Variants in TMEM260 observed in about 807,000 individuals in gnomAD.
The protein encoded by TMEM260 is transmembrane protein 260.
In TMEM260, 82 loss-of-function variants were observed where a neutral mutation model predicts 88.9. That is an observed-to-expected ratio of 0.92 (90% CI 0.77 to 1.11). The LOEUF (loss-of-function observed/expected upper bound fraction) is 1.11, where lower values mean the gene tolerates loss of function less well. Among genes scored for constraint, TMEM260 ranks in the 50% least tolerant of loss-of-function variants. The pLI, the probability that TMEM260 is intolerant of heterozygous loss-of-function variation, is 0.00. For synonymous variants in TMEM260, 314 were observed against 309.3 expected, an observed-to-expected ratio of 1.02 and a Z score of -0.16; for missense variants, 902 against 853.4, an observed-to-expected ratio of 1.06 and a Z score of -0.71.
chr14:56,656,890 T>C, the TMEM260 span, among the ~76,000 whole-genome samples: 1 of 152,164 alleles, frequency 6.6e-6, no homozygotes, highest in African/African-American at 2.4e-5. Context: ...TGCACACGCA[T>C]GCACACACAC....
In TMEM260 at chr14:56,615,987, C is replaced by G. The variant is rs1887570793; in HGVS notation, c.901C>G (p.Gln301Glu). ...GAGGACCGAACTCTCATTCAACATCCAAGCCCTTGCAGTTTGTGCAAATAT... is the reference window on the plus strand; with the variant it reads ...GAGGACCGAACTCTCATTCAACATCGAAGCCCTTGCAGTTTGTGCAAATAT... Reference protein sequence around the residue: ...NMRTELSFNIQALAVCANICL... With the variant: ...NMRTELSFNIEALAVCANICL... Residue 301 changes from glutamine (Q) to glutamate (E), a missense_variant, in exon 8 of 16, where the codon CAA (glutamine) becomes GAA (glutamate). Coordinates refer to ENST00000261556, the MANE Select transcript of TMEM260 (RefSeq NM_017799.4). 9 of 1,613,206 alleles carry G rather than the reference C, an allele frequency of 5.6e-6. No individual in the cohort carries two copies. Among genetic ancestry groups the G allele is most frequent in the Non-Finnish European group, 7.6e-6 (9 of 1,179,362 alleles).
chr14:56,604,358 T>A (rs1256666027), intron 4 of TMEM260, among the ~76,000 whole-genome samples: 1 of 152,166 alleles, frequency 6.6e-6, no homozygotes. Flanking sequence ...ATGCATTGAC[T>A]CACTCCTTAA....
chr14:56,616,865 C>T (rs1238482662), intron 8 of TMEM260, among the ~76,000 whole-genome samples: 2 of 152,046 alleles, frequency 1.3e-5, no homozygotes, highest in Admixed American at 1.3e-4. Flanking sequence ...GTTCTTAAAT[C>T]TTTATTATTT....
intron 13 of TMEM260, among the ~76,000 whole-genome samples, 196 bp from the exon 14 acceptor site, chr14:56,634,703 G>A (rs1411172428): frequency 1.3e-5 from 2 of 152,084 alleles, no homozygotes; most frequent in Non-Finnish European, 2.9e-5. Flanking sequence ...TGAGCTGGGT[G>A]TGGTTGTGGG....
At chr14:56,653,736 C>CAAAACAAAAAACAAA (rs1566588621), downstream of TMEM260, among the ~76,000 whole-genome samples, 1 of 66,564 alleles carries the variant, frequency 1.5e-5, no homozygotes, top group East Asian at 6.1e-4. Flanking sequence ...CTCTTGTCTC[C>CAAAACAAAAAACAAA]AAAACAAAAA....
intron 5 of TMEM260, 128 bp downstream of exon 5, chr14:56,605,811 G>A (rs1342221148): frequency 1.8e-6 from 1 of 543,152 alleles, no homozygotes; most frequent in Non-Finnish European, 3.2e-6. Context: ...TAACCCTAGG[G>A]CCTAACAATA....
intron 15 of TMEM260, chr14:56,638,320 T>TAAAAAAGAA (rs1889281150): frequency 2.0e-5 from 3 of 150,520 alleles, no homozygotes; most frequent in South Asian, 2.1e-4. Flanking sequence ...ATTTTTTTTC[T>TAAAAAAGAA]AAAAAAGAAA....
chr14:56,644,999 T>C (rs1318528617), intron 15 of TMEM260, among the ~76,000 whole-genome samples: 41 of 151,564 alleles, frequency 2.7e-4, no homozygotes, highest in Non-Finnish European at 1.6e-4. Flanking sequence ...AAACAACAGG[T>C]GCTGGAGAGG....
intron 5 of TMEM260, among the ~76,000 whole-genome samples, chr14:56,606,889 C>T (rs113951026): frequency 2.2e-4 from 34 of 152,018 alleles, no homozygotes; most frequent in African/African-American, 8.0e-4. Flanking sequence ...AGAAAGACTC[C>T]GTCTCCAAAA....
downstream of TMEM260, among the ~76,000 whole-genome samples, chr14:56,654,829 AAAAAAAAAAAAAAT>A (rs1402663287): frequency 4.7e-5 from 7 of 150,494 alleles, no homozygotes; most frequent in South Asian, 8.4e-4. Flanking sequence ...AAAAAAAAAA[AAAAAAAAAAAAAAT>A]GTTAAATGTC....
chr14:56,636,269 T>C (rs918972855), intron 14 of TMEM260, among the ~76,000 whole-genome samples: 1 of 152,192 alleles, frequency 6.6e-6, no homozygotes, highest in Non-Finnish European at 1.5e-5. Flanking sequence ...ATAATAGTGA[T>C]AAGTGTAAGC....
At position 56,606,810 on chromosome 14, in the gene TMEM260, G is replaced by A. The variant is rs544831640; in HGVS notation, c.636+1127G>A. 4.6e-5 allele frequency among the ~76,000 whole-genome samples: 7 copies of A among 152,276 alleles called. 1 individual carries two copies. The highest frequency in any genetic ancestry group is 4.1e-4 in the South Asian group (2 of 4,820). ...CTCAGGAGGCTGGGGCAGGAGAATC[G>A]CTTGAACCCGAGAGGAGGAGGTTGC... On this transcript the variant is annotated intron_variant, in intron 5 of 15. Coordinates refer to ENST00000261556, the MANE Select transcript of TMEM260 (RefSeq NM_017799.4).
downstream of TMEM260, among the ~76,000 whole-genome samples, chr14:56,654,315 G>T (rs912269520): frequency 6.6e-6 from 1 of 152,156 alleles, no homozygotes; most frequent in Non-Finnish European, 1.5e-5. Flanking sequence ...AGCTGAATCA[G>T]CTGCTAGAAG....
Position 56,628,607 on chromosome 14 carries a change from CT to C in TMEM260, c.1547+3081del. 3.3e-5 allele frequency among the ~76,000 whole-genome samples: 5 copies of C among 151,946 alleles called. No individual in the cohort carries two copies. The South Asian group carries it at 1.0e-3, about 31-fold the overall frequency. Reference sequence around the variant, plus strand: ...CTTTCTTCATTGCATTGTATTTGTACTTTTCGCTGTCTATACAAATGAAAAA... The same window carrying C: ...CTTTCTTCATTGCATTGTATTTGTACTTTCGCTGTCTATACAAATGAAAAA... On this transcript the variant is annotated intron_variant, in intron 12 of 15. Coordinates refer to ENST00000261556, the MANE Select transcript of TMEM260 (RefSeq NM_017799.4).
At chr14:56,650,278 G>A (rs7159773), downstream of TMEM260, 42,443 of 333,138 alleles carry the variant, frequency 0.13, 4,355 homozygotes, top group African/African-American at 0.32. Context: ...GTGGGAGCCA[G>A]TGAAACTGTC....
intron 3 of TMEM260, among the ~76,000 whole-genome samples, chr14:56,594,294 A>G (rs1886076144): frequency 6.6e-6 from 1 of 152,198 alleles, no homozygotes; most frequent in African/African-American, 2.4e-5. Flanking sequence ...GTTCTGGTGA[A>G]AAGAGTTCTC....
chr14:56,591,898 C>CTAA (rs1356720188), intron 3 of TMEM260, among the ~76,000 whole-genome samples: 1 of 152,152 alleles, frequency 6.6e-6, no homozygotes, highest in Non-Finnish European at 1.5e-5. Context: ...CATTTAATAG[C>CTAA]TAATGCACAA....
intron 1 of TMEM260, among the ~76,000 whole-genome samples, chr14:56,584,344 G>C (rs1326565983): frequency 6.6e-6 from 1 of 151,924 alleles, no homozygotes; most frequent in Non-Finnish European, 1.5e-5. Flanking sequence ...ATACGTAAAA[G>C]GTTAACAAAT....
chr14:56,649,789 G>A (rs1890164519), downstream of TMEM260, among the ~76,000 whole-genome samples: 1 of 152,178 alleles, frequency 6.6e-6, no homozygotes, highest in Admixed American at 6.5e-5. Flanking sequence ...TTTGTGTATA[G>A]ATTATTGTCA....
Sources: allele counts gnomAD v4.1 joint callset (sites outside exome capture counted in the v4.1 genomes callset), GRCh38; gene constraint gnomAD v4.1.1; transcripts MANE v1.5; gene names NCBI Gene and HGNC (gene_info 2026-07-23, HGNC 2026-07-21).